Variants in JMJD1C observed in about 807,000 individuals in gnomAD.
The protein encoded by JMJD1C is jumonji domain-containing protein 1C.
A neutral mutation model predicts 245.3 loss-of-function variants in JMJD1C; 31 were observed. The ratio of observed to expected loss-of-function variants is 0.13; its 90% CI spans 0.09 to 0.17. JMJD1C has a LOEUF of 0.17. JMJD1C is among the 10% of genes least tolerant of loss of function. JMJD1C has a pLI of 1.00. For synonymous variants in JMJD1C, 1,057 were observed against 1,017.4 expected (o/e 1.04, Z -0.74); for missense variants, 2,691 against 3,000.2 (o/e 0.90, Z 2.41).
intron 1 of JMJD1C, among the ~76,000 whole-genome samples, chr10:63,418,093 T>C (rs552884355): frequency 6.6e-6 from 1 of 152,280 alleles, no homozygotes; most frequent in Non-Finnish European, 1.5e-5. Context: ...TCATATTCTG[T>C]TTTATTGTGT....
chr10:63,390,672 C>T (rs1045658273), intron 1 of JMJD1C, among the ~76,000 whole-genome samples: 1 of 152,148 alleles, frequency 6.6e-6, no homozygotes, highest in African/African-American at 2.4e-5. Flanking sequence ...TTCAACAGCA[C>T]ATCAAAAACA....
chr10:63,182,743 C>CT (rs1415347890), intron 22 of JMJD1C, among the ~76,000 whole-genome samples: 2 of 152,196 alleles, frequency 1.3e-5, no homozygotes, highest in African/African-American at 4.8e-5. Flanking sequence ...AAAAGACCCC[C>CT]TTCTTCCTCT....
chr10:63,473,200 T>G (rs1953549160), intron 1 of JMJD1C, among the ~76,000 whole-genome samples: 1 of 152,084 alleles, frequency 6.6e-6, no homozygotes, highest in Non-Finnish European at 1.5e-5. Context: ...AGGACAAGGA[T>G]ATGGTAAAAC....
At chr10:63,184,350 C>G (rs1843857168) in intron 21 of JMJD1C, among the ~76,000 whole-genome samples, 2 of 151,476 alleles carry the variant, frequency 1.3e-5, no homozygotes, top group Middle Eastern at 6.8e-3. Context: ...TCAAGTAATT[C>G]TCCTGCCTCA....
At chr10:63,486,153 AAAAAAAAAAAAAAAAC>A (rs869121319) in intron 1 of JMJD1C, among the ~76,000 whole-genome samples, 7,789 of 65,914 alleles carry the variant, frequency 0.12, 361 homozygotes, top group Non-Finnish European at 0.15. Context: ...AAAAAAAAAA[AAAAAAAAAAAAAAAAC>A]AAAAAACAGA....
Position 63,206,601 on chromosome 10 carries a change from T to C in JMJD1C, c.5068A>G (p.Ser1690Gly), listed in dbSNP as rs1589145101. The stretch of plus-strand genomic sequence containing the variant: ...AACAAAGTAACTGACTTACTATTAC[T>C]GTTGCTTTGCAACTTCAGTTTACTT... Reference protein sequence around the residue: ...ERSKLKLQSNSNTGIPRSVLK... With the variant: ...ERSKLKLQSNGNTGIPRSVLK... The change falls in exon 10 of 26, where the codon AGT (serine) becomes GGT (glycine). Residue 1690 changes from serine to glycine, a missense_variant. Physicochemically the swap from Ser to Gly is moderately conservative, Grantham distance 56. Transcript: ENST00000399262. The C allele has an allele frequency of 2.5e-6, 4 of 1,587,668 alleles. No individual in the cohort carries two copies. Among genetic ancestry groups the C allele is most frequent in the Non-Finnish European group, 3.4e-6 (4 of 1,170,072 alleles).
At chr10:63,503,775 A>G (rs1954634233) in intron 1 of JMJD1C, among the ~76,000 whole-genome samples, 1 of 152,180 alleles carries the variant, frequency 6.6e-6, no homozygotes, top group South Asian at 2.1e-4. Flanking sequence ...TCTCCTGGAT[A>G]CTTGTTGATT....
chr10:63,217,102 C>G (rs1366510739), intron 5 of JMJD1C, 105 bp downstream of exon 5: 1 of 1,041,492 alleles, frequency 9.6e-7, no homozygotes, highest in African/African-American at 1.6e-5. Flanking sequence ...GACTAAAAAC[C>G]CTAGAGATAA....
intron 2 of JMJD1C, among the ~76,000 whole-genome samples, chr10:63,314,053 A>C (rs114278020): frequency 0.029 from 4,481 of 152,272 alleles, 235 homozygotes; most frequent in African/African-American, 0.1. Context: ...TTAGTTTCAG[A>C]TCTTAGATTT....
At chr10:63,425,860 G>A (rs546807479) in intron 1 of JMJD1C, among the ~76,000 whole-genome samples, 3 of 152,184 alleles carry the variant, frequency 2.0e-5, no homozygotes, top group South Asian at 2.1e-4. Flanking sequence ...TCCCCTCAAC[G>A]GAAATATATT....
chr10:63,178,901 T>C (rs1404195531), intron 22 of JMJD1C, among the ~76,000 whole-genome samples: 2 of 152,222 alleles, frequency 1.3e-5, no homozygotes, highest in Admixed American at 6.5e-5. Context: ...TTTAAAAATT[T>C]TGTATAAATT....
chr10:63,349,708 C>T (rs1944178542), intron 2 of JMJD1C, among the ~76,000 whole-genome samples: 1 of 152,084 alleles, frequency 6.6e-6, no homozygotes, highest in Non-Finnish European at 1.5e-5. Context: ...GGTGAAAAGG[C>T]TTCATAGGTG....
At chr10:63,322,618 G>GGTGAAA (rs1941009842) in intron 2 of JMJD1C, among the ~76,000 whole-genome samples, 1 of 151,898 alleles carries the variant, frequency 6.6e-6, no homozygotes, top group South Asian at 2.1e-4. Flanking sequence ...TTCAAGACCA[G>GGTGAAA]CCTGACCAAC....
intron 2 of JMJD1C, 100 bp from the exon 3 acceptor site, chr10:63,264,864 TAC>T (rs1855335651): frequency 3.2e-6 from 2 of 625,856 alleles, no homozygotes; most frequent in Non-Finnish European, 5.6e-6. Context: ...TCATTATCAC[TAC>T]AGAGTCTTAG....
At chr10:63,366,203 G>T (rs1243898378) in intron 2 of JMJD1C, among the ~76,000 whole-genome samples, 3 of 152,152 alleles carry the variant, frequency 2.0e-5, no homozygotes, top group African/African-American at 7.2e-5. Flanking sequence ...CATGTGGGTG[G>T]TATGTGATCA....
intron 2 of JMJD1C, among the ~76,000 whole-genome samples, chr10:63,313,945 C>G (rs1485057853): frequency 1.3e-5 from 2 of 152,154 alleles, no homozygotes; most frequent in Non-Finnish European, 2.9e-5. Context: ...ACCTATTTAT[C>G]TTTGTTTTTG....
chr10:63,299,115 T>C (rs933034034), intron 2 of JMJD1C, among the ~76,000 whole-genome samples: 1 of 152,186 alleles, frequency 6.6e-6, no homozygotes, highest in Non-Finnish European at 1.5e-5. Flanking sequence ...AAACACCATG[T>C]AGAAACTGTA....
At chr10:63,290,882 A>C (rs1302303784) in intron 2 of JMJD1C, among the ~76,000 whole-genome samples, 1 of 152,164 alleles carries the variant, frequency 6.6e-6, no homozygotes, top group African/African-American at 2.4e-5. Flanking sequence ...TGAAATCTTT[A>C]TTTTTTTAAG....
intron 3 of JMJD1C, among the ~76,000 whole-genome samples, chr10:63,247,549 T>C (rs1173527653): frequency 1.3e-5 from 2 of 151,996 alleles, no homozygotes; most frequent in Non-Finnish European, 2.9e-5. Flanking sequence ...AAGACCAGCC[T>C]GGCCAACATG....
Sources: gnomAD v4.1 joint callset for allele counts (sites outside exome capture counted in the v4.1 genomes callset) on GRCh38, gnomAD v4.1.1 for gene constraint, MANE v1.5 for transcripts, NCBI Gene and HGNC (gene_info 2026-07-23, HGNC 2026-07-21) for gene names.